DTX4: variants seen among roughly 807,000 people sequenced by gnomAD.
DTX4 encodes the protein deltex E3 ubiquitin ligase 4.
In DTX4, 28 loss-of-function variants were observed where a neutral mutation model predicts 57.6. That is an observed-to-expected ratio of 0.49 (90% confidence interval 0.36 to 0.67). The LOEUF (loss-of-function observed/expected upper bound fraction) is 0.67. Ranked by LOEUF, DTX4 falls within the 30% of genes least tolerant of loss-of-function variation. DTX4 has a pLI of 0.00. For missense variants in DTX4, 715 were observed against 836.8 expected (o/e 0.85, Z 1.80); for synonymous variants, 316 against 331.0 (o/e 0.95, Z 0.49).
At position 59,199,697 on chromosome 11, in the gene DTX4, C is replaced by T. The variant is rs1393138907; in HGVS notation, c.1550C>T (p.Pro517Leu). ...IPPGIQGPEH[P>L]NPGKSFSARG... ...TTCTGCTTTCAGGGACCGGAACACC[C>T]GAATCCTGGGAAGAGTTTCAGCGCC... The change falls in exon 8 of 9, where the codon CCG becomes CTG. Residue 517 changes from proline to leucine, a missense_variant. Transcript: ENST00000227451. 4 of 1,576,068 alleles carry T rather than the reference C, an allele frequency of 2.5e-6. No individual in the cohort carries two copies. The highest frequency in any genetic ancestry group is 2.3e-5 in the South Asian group (2 of 85,334).
Position 59,205,108 on chromosome 11 carries a change from CA to C in DTX4, c.*201del, listed in dbSNP as rs1027038815. ...AGCGACATCATTCATAAATCTCATC[CA>C]ACACAAAGGGAGATGGGATGAGGGC... On this transcript the variant is annotated 3_prime_UTR_variant, in exon 9 of 9. Transcript: ENST00000227451. 5 of 571,930 alleles carry C rather than the reference CA, an allele frequency of 8.7e-6. No individual in the cohort carries two copies. In the African/African-American group the frequency reaches 9.4e-5, roughly 11 times the overall value. The allele number at this position is 571,930 out of a possible 1,614,324, so 35.4% of individuals were successfully genotyped here. A position where few individuals can be genotyped will look rare whatever the true frequency, so the allele number is the denominator to read the frequency against.
intron 7 of DTX4, among the ~76,000 whole-genome samples, chr11:59,199,133 AG>A (rs1159145468): frequency 1.3e-5 from 2 of 152,272 alleles, no homozygotes. Context: ...AGAATCATTC[AG>A]AAAATTCTGT....
chr11:59,204,780 C>G lies in DTX4; in HGVS notation c.1731C>G (p.His577Gln), dbSNP rs753656105. 1 of 1,613,632 alleles carries G rather than the reference C, an allele frequency of 6.2e-7. No homozygotes were observed. The highest frequency in any genetic ancestry group is 8.5e-7 in the Non-Finnish European group (1 of 1,179,730). ...ACACCGTCATCTGGAATGAGGTCCA[C>G]CACAAGACAGAGTTTGGCTCTAATC... is the stretch of plus-strand genomic sequence containing the variant. The part of the protein sequence containing the change: ...ESDTVIWNEV[H>Q]HKTEFGSNLT... The change falls in exon 9 of 9, where the codon CAC becomes CAG. Residue 577 changes from histidine (H) to glutamine (Q), a missense_variant. By Grantham distance (24) the His-to-Gln change is conservative (BLOSUM62 0). Transcript: ENST00000227451.
At position 59,172,686 on chromosome 11, in the gene DTX4, G is replaced by C. The variant is rs747159480; in HGVS notation, c.91G>C (p.Glu31Gln). The C allele has an allele frequency of 6.2e-7, 1 of 1,600,536 alleles. No homozygotes were observed. The highest frequency in any genetic ancestry group is 8.5e-7 in the Non-Finnish European group (1 of 1,176,242). The change falls in exon 1 of 9, where the codon GAG becomes CAG. Residue 31 changes from glutamate to glutamine, a missense_variant. Physicochemically the swap from Glu to Gln is conservative, Grantham distance 29. Coordinates refer to ENST00000227451, the MANE Select transcript of DTX4 (RefSeq NM_015177.2). ...PYSPAVSHHI[E>Q]AVVRAGPRAG... ...CAGCCCAGCGGTGAGCCACCACATC[G>C]AGGCGGTGGTCCGCGCCGGCCCCCG...
intron 2 of DTX4, among the ~76,000 whole-genome samples, chr11:59,184,171 G>A (rs1352005792): frequency 4.6e-5 from 7 of 152,256 alleles, no homozygotes; most frequent in African/African-American, 1.4e-4. Context: ...ATTTCTCCCC[G>A]ATTTCACACA....
chr11:59,208,341 A>G lies in DTX4; in HGVS notation c.*3432A>G, dbSNP rs1862842661. The G allele has an allele frequency of 8.1e-6, 1 of 123,368 alleles. No homozygotes were observed. The highest frequency in any genetic ancestry group is 2.3e-4 in the East Asian group (1 of 4,270). 7.6% of individuals were successfully genotyped at this position (123,368 alleles called of 1,614,324 possible). On this transcript the variant is annotated 3_prime_UTR_variant, in exon 9 of 9. Coordinates refer to ENST00000227451, the MANE Select transcript of DTX4 (RefSeq NM_015177.2). Reference sequence around the variant, plus strand: ...AATTTTCCACATATTACCCACCCACACATTTGACCTGGCTAGACTTTGTTT... The same window carrying G: ...AATTTTCCACATATTACCCACCCACGCATTTGACCTGGCTAGACTTTGTTT...
intron 1 of DTX4, among the ~76,000 whole-genome samples, chr11:59,174,994 A>G (rs1451299701): frequency 3.9e-5 from 6 of 152,168 alleles, no homozygotes; most frequent in Admixed American, 3.9e-4. Flanking sequence ...TTCCCAGAAA[A>G]GCTGGGTCTG....
chr11:59,188,718 G>T lies in DTX4; in HGVS notation c.936-17G>T, dbSNP rs1862558355. ...CACGTGTCAAAATGACATTGTATCT[G>T]CTCTTTCCTTTCACAGGGTCCCCAC... On this transcript the variant is annotated splice_polypyrimidine_tract_variant and intron_variant, in intron 2 of 8. Coordinates refer to ENST00000227451, the MANE Select transcript of DTX4 (RefSeq NM_015177.2). 1 of 1,610,480 alleles carries T rather than the reference G, an allele frequency of 6.2e-7. No homozygotes were observed. The highest frequency in any genetic ancestry group is 2.2e-5 in the East Asian group (1 of 44,872).
At chr11:59,172,831 C>T (rs780735218) in intron 1 of DTX4, 25 bp downstream of exon 1, 2 of 1,495,310 alleles carry the variant, frequency 1.3e-6, no homozygotes, top group East Asian at 2.7e-5. Context: ...CCTGACCCCG[C>T]CCCGCCTGCT....
chr11:59,204,126 C>A (rs1012026599), intron 8 of DTX4, among the ~76,000 whole-genome samples: 1 of 152,152 alleles, frequency 6.6e-6, no homozygotes, highest in Non-Finnish European at 1.5e-5. Flanking sequence ...CCTCAGTTTT[C>A]TCACCTCGAG....
chr11:59,192,979 A>G (rs1046194511), intron 6 of DTX4, among the ~76,000 whole-genome samples: 4 of 152,186 alleles, frequency 2.6e-5, no homozygotes, highest in Non-Finnish European at 4.4e-5. Context: ...TCTTTCGTGT[A>G]CCTGAGATAA....
chr11:59,186,696 G>A (rs992784847), intron 2 of DTX4, among the ~76,000 whole-genome samples: 2 of 152,152 alleles, frequency 1.3e-5, no homozygotes, highest in African/African-American at 4.8e-5. Flanking sequence ...CTACCTTAGC[G>A]AGAAACTCCT....
chr11:59,173,775 TG>T (rs534366019), intron 1 of DTX4, among the ~76,000 whole-genome samples: 84 of 150,072 alleles, frequency 5.6e-4, no homozygotes, highest in African/African-American at 2.0e-3. Context: ...GATGGGGCCT[TG>T]GGGGGTGGGG....
intron 1 of DTX4, among the ~76,000 whole-genome samples, chr11:59,176,409 A>G (rs756972997): frequency 6.6e-6 from 1 of 152,274 alleles, no homozygotes; most frequent in African/African-American, 2.4e-5. Flanking sequence ...CAGCTAGTCA[A>G]TGGCAGGGCC....
At chr11:59,194,708 G>C (rs1862640386) in intron 6 of DTX4, among the ~76,000 whole-genome samples, 1 of 152,200 alleles carries the variant, frequency 6.6e-6, no homozygotes, top group Non-Finnish European at 1.5e-5. Context: ...ATTACGTCTA[G>C]GCAGTCTGAT....
Position 59,206,985 on chromosome 11 carries a change from A to C in DTX4, c.*2076A>C, listed in dbSNP as rs1369165669. 6.6e-6 allele frequency: 1 copy of C among 152,260 alleles called. No individual in the cohort carries two copies. The highest frequency in any genetic ancestry group is 1.5e-5 in the Non-Finnish European group (1 of 68,044). The allele number at this position is 152,260 out of a possible 1,614,324, so 9.4% of individuals were successfully genotyped here. A position where few individuals can be genotyped will look rare whatever the true frequency, so the allele number is the denominator to read the frequency against. ...AGGAAACACCTGAACTAAATGGAAG[A>C]GACATCCCTGCGGTGTTTAATATCA... is the stretch of plus-strand genomic sequence containing the variant. On this transcript the variant is annotated 3_prime_UTR_variant, in exon 9 of 9. Transcript: ENST00000227451.
intron 8 of DTX4, among the ~76,000 whole-genome samples, chr11:59,200,385 A>G (rs1442284968): frequency 6.6e-6 from 1 of 152,198 alleles, no homozygotes; most frequent in Non-Finnish European, 1.5e-5. Context: ...ATTAGTGGCA[A>G]TAATTCATCT....
chr11:59,182,230 T>A lies in DTX4; in HGVS notation c.703T>A (p.Ser235Thr), dbSNP rs1388869143. ...GGTCAAGCTACCCCCACTGCCAGGC[T>A]CTGGGGCCAAGCCACTGGACAGCAC... ...GVVKLPPLPG[S>T]GAKPLDSTGT... The change falls in exon 2 of 9, where the codon TCT (serine) becomes ACT (threonine). Residue 235 changes from serine to threonine, a missense_variant. Transcript: ENST00000227451. The A allele has an allele frequency of 6.2e-6, 10 of 1,609,792 alleles. No individual in the cohort carries two copies. Among genetic ancestry groups the A allele is most frequent in the African/African-American group, 5.3e-5 (4 of 74,946 alleles).
At chr11:59,197,823 C>T (rs140490458) in intron 7 of DTX4, among the ~76,000 whole-genome samples, 86 of 152,218 alleles carry the variant, frequency 5.6e-4, no homozygotes, top group African/African-American at 2.0e-3. Context: ...GAGAAACAGA[C>T]GATGTTCTGG....
Sources: allele counts gnomAD v4.1 joint callset (sites outside exome capture counted in the v4.1 genomes callset), GRCh38; gene constraint gnomAD v4.1.1; transcripts MANE v1.5; gene names NCBI Gene and HGNC (gene_info 2026-07-23, HGNC 2026-07-21).